SHTN1: variants seen among roughly 807,000 people sequenced by gnomAD.
The protein encoded by SHTN1 is shootin 1.
Under a neutral mutation model 83.1 loss-of-function variants are expected in SHTN1, and 42 were observed. That is an observed-to-expected ratio of 0.51 (90% confidence interval 0.39 to 0.65). The LOEUF (loss-of-function observed/expected upper bound fraction) is 0.65, where lower values mean the gene tolerates loss of function less well. Ranked by LOEUF, SHTN1 falls within the 30% of genes least tolerant of loss-of-function variation. The probability of loss-of-function intolerance (pLI) is 0.00; values close to 1 mark genes in which losing one functional copy is unlikely to be tolerated. For synonymous variants in SHTN1, 224 were observed against 247.7 expected, an observed-to-expected ratio of 0.90 and a Z score of 0.90; for missense variants, 622 against 737.8, an observed-to-expected ratio of 0.84 and a Z score of 1.82.
At chr10:116,936,624 GAGA>G (rs1255007845) in intron 9 of SHTN1, among the ~76,000 whole-genome samples, 2 of 152,162 alleles carry the variant, frequency 1.3e-5, no homozygotes, top group Admixed American at 6.5e-5. Context: ...ATGTGGTCCT[GAGA>G]AGAATATATA....
chr10:117,051,187 TACC>T (rs1218499745), intron 1 of SHTN1, among the ~76,000 whole-genome samples: 1 of 152,024 alleles, frequency 6.6e-6, no homozygotes, highest in Non-Finnish European at 1.5e-5. Context: ...AAACACAAAC[TACC>T]ACAACTGACT....
At chr10:117,085,003 C>T (rs572510670) in intron 1 of SHTN1, among the ~76,000 whole-genome samples, 5 of 152,072 alleles carry the variant, frequency 3.3e-5, no homozygotes, top group Non-Finnish European at 5.9e-5. Context: ...TCTTCTGGGT[C>T]GCTCAGGCTG....
rs1414235601 is a variant in SHTN1, at chr10:117,005,027, T to A, written c.53A>T (p.Glu18Val). 1.3e-6 allele frequency: 2 copies of A among 1,596,518 alleles called. No homozygotes were observed. The highest frequency in any genetic ancestry group is 3.4e-4 in the Middle Eastern group (2 of 5,950). The change falls in exon 1 of 17, where the codon GAG (glutamate) becomes GTG (valine). Residue 18 changes from glutamate to valine, a missense_variant. Around this residue, in one of 3 missense-constraint regions of SHTN1, gnomAD observed 383 missense variants for 455.8 expected, o/e 0.84. Coordinates refer to ENST00000355371, the MANE Select transcript of SHTN1 (RefSeq NM_001127211.3). ...GGCGCCCGCGTGCTGCCTACCTTGC[T>A]CCTTCAGACTGGTAATGAGCTGCAG... ...KQLQLITSLK[E>V]QAIGEYEDLR... is the part of the protein sequence containing the mutation.
At chr10:116,968,741 A>G (rs891318600) in intron 2 of SHTN1, 29 bp from the exon 3 acceptor site, 7 of 1,559,518 alleles carry the variant, frequency 4.5e-6, no homozygotes, top group Non-Finnish European at 6.2e-6. Flanking sequence ...ACAAATGTTA[A>G]ACTTCAATCA....
In SHTN1 at chr10:116,949,011, A is replaced by T. The variant is rs1424504340; in HGVS notation, c.535-14T>A. The T allele has an allele frequency of 6.5e-7, 1 of 1,529,830 alleles. No individual in the cohort carries two copies. The highest frequency in any genetic ancestry group is 1.4e-5 in the African/African-American group (1 of 71,872). 94.8% of individuals were successfully genotyped at this position (1,529,830 alleles called of 1,614,324 possible). A position where few individuals can be genotyped will look rare whatever the true frequency, so the allele number is the denominator to read the frequency against. ...AACTTTATTTACCTAAAAATGTGAAATTTTGAGGGGAGAAAACACCAAAAA... is the reference window on the plus strand; with the variant it reads ...AACTTTATTTACCTAAAAATGTGAATTTTTGAGGGGAGAAAACACCAAAAA... On this transcript the variant is annotated splice_polypyrimidine_tract_variant and intron_variant, in intron 6 of 16. Coordinates refer to ENST00000355371, the MANE Select transcript of SHTN1 (RefSeq NM_001127211.3).
At chr10:116,995,417 GGACTTTAT>G (rs1851593637) in intron 1 of SHTN1, among the ~76,000 whole-genome samples, 1 of 152,088 alleles carries the variant, frequency 6.6e-6, no homozygotes, top group Non-Finnish European at 1.5e-5. Flanking sequence ...GTGATTTTTA[GGACTTTAT>G]TAGAAACACT....
intron 2 of SHTN1, among the ~76,000 whole-genome samples, chr10:117,046,855 T>C (rs1374247730): frequency 6.6e-6 from 1 of 152,026 alleles, no homozygotes; most frequent in Non-Finnish European, 1.5e-5. Flanking sequence ...AAAGAGGGAA[T>C]GAGAAATGAC....
Position 116,968,808 on chromosome 10 carries a change from C to G in SHTN1, c.112-96G>C. The G allele has an allele frequency of 3.2e-6, 3 of 931,532 alleles. No homozygotes were observed. In the South Asian group the frequency reaches 4.5e-5, roughly 14 times the overall value. 57.7% of individuals were successfully genotyped at this position (931,532 alleles called of 1,614,324 possible). ...CAAACTTATAAACAACAGCAATTTT[C>G]TGAAAACAAAACAAAATTTAAAACC... On this transcript the variant is annotated intron_variant, in intron 2 of 16. Coordinates refer to ENST00000355371, the MANE Select transcript of SHTN1 (RefSeq NM_001127211.3).
In SHTN1 at chr10:116,953,631, T is replaced by TTG. The variant is rs1554918493; in HGVS notation, c.436+410_436+411insCA. Among the ~76,000 whole-genome samples, 81 of 140,920 alleles carry TTG rather than the reference T, an allele frequency of 5.7e-4. 1 individual carries two copies. The highest frequency in any genetic ancestry group is 1.0e-3 in the Non-Finnish European group (65 of 64,592). The allele number at this position is 140,920 out of a possible 152,430, so 92.4% of individuals were successfully genotyped here. A position where few individuals can be genotyped will look rare whatever the true frequency, so the allele number is the denominator to read the frequency against. Reference sequence around the variant, plus strand: ...CATCAGTTTTGTGTTTTGTTTTTTTTTTTTTTTTTTTTTTGAGACAGAGTC... The same window carrying TTG: ...CATCAGTTTTGTGTTTTGTTTTTTTTTGTTTTTTTTTTTTTTGAGACAGAGTC... On this transcript the variant is annotated intron_variant, in intron 5 of 16. Coordinates refer to ENST00000355371, the MANE Select transcript of SHTN1 (RefSeq NM_001127211.3).
chr10:117,094,512 T>C (rs1182947522), intron 1 of SHTN1, among the ~76,000 whole-genome samples: 1 of 152,210 alleles, frequency 6.6e-6, no homozygotes. Flanking sequence ...TCTTGGTTAT[T>C]ACCATGTGTT....
At chr10:117,081,143 C>A (rs1589923890) in intron 1 of SHTN1, among the ~76,000 whole-genome samples, 1 of 148,376 alleles carries the variant, frequency 6.7e-6, no homozygotes, top group African/African-American at 2.5e-5. Context: ...CCAGTTTTTG[C>A]CCATTCAGTA....
At chr10:117,055,350 G>A (rs762413938) in intron 1 of SHTN1, among the ~76,000 whole-genome samples, 24 of 152,136 alleles carry the variant, frequency 1.6e-4, no homozygotes, top group Non-Finnish European at 3.2e-4. Flanking sequence ...TGTTTTTCCT[G>A]AGCCACAGTC....
At chr10:117,029,440 T>C (rs1053675545) in intron 2 of SHTN1, among the ~76,000 whole-genome samples, 5 of 152,130 alleles carry the variant, frequency 3.3e-5, no homozygotes, top group Non-Finnish European at 5.9e-5. Context: ...TTTTGCAATG[T>C]GAGAAGTACA....
chr10:116,886,115 A>G lies in SHTN1; in HGVS notation c.*229T>C. 1.8e-6 allele frequency: 1 copy of G among 569,504 alleles called. No individual in the cohort carries two copies. Among genetic ancestry groups the G allele is most frequent in the South Asian group, 2.7e-5 (1 of 36,410 alleles). The allele number at this position is 569,504 out of a possible 1,614,324, so 35.3% of individuals were successfully genotyped here. ...ACTTAATACAGTAACTAGGAAAAAA[A>G]CCTCATCTTTATAAAGATCAAAAAA... On this transcript the variant is annotated 3_prime_UTR_variant, in exon 17 of 17. Transcript: ENST00000355371.
chr10:116,925,150 T>C (rs979287651), intron 11 of SHTN1, among the ~76,000 whole-genome samples: 1 of 152,220 alleles, frequency 6.6e-6, no homozygotes, highest in Non-Finnish European at 1.5e-5. Context: ...CCTGAGATAC[T>C]TGGTTAAACA....
At position 116,883,412 on chromosome 10, in the gene SHTN1, C is replaced by T. The variant is rs1847079071; in HGVS notation, c.*2932G>A. The T allele has an allele frequency of 6.6e-6, 1 of 152,158 alleles. No individual in the cohort carries two copies. Among genetic ancestry groups the T allele is most frequent in the Non-Finnish European group, 1.5e-5 (1 of 68,038 alleles). The allele number at this position is 152,158 out of a possible 1,614,324, so 9.4% of individuals were successfully genotyped here. On this transcript the variant is annotated 3_prime_UTR_variant, in exon 17 of 17. Transcript: ENST00000355371. ...AGTGCTTGGAAGAGAAACTTCAAAC[C>T]ACTCCAATCCTTATGCAGGGACTGC...
At chr10:116,983,672 ATAGATAG>A (rs1851117320) in intron 1 of SHTN1, among the ~76,000 whole-genome samples, 2 of 104,442 alleles carry the variant, frequency 1.9e-5, no homozygotes, top group African/African-American at 6.7e-5. Context: ...AGATAGATAG[ATAGATAG>A]ATAGATAAAT....
At chr10:117,079,269 G>A (rs1486053052) in intron 1 of SHTN1, among the ~76,000 whole-genome samples, 1 of 136,030 alleles carries the variant, frequency 7.4e-6, no homozygotes, top group African/African-American at 2.8e-5. Flanking sequence ...TCCCACCTAT[G>A]AGTGAGAATA....
chr10:116,904,348 T>C (rs1401346837), intron 15 of SHTN1, among the ~76,000 whole-genome samples: 1 of 152,190 alleles, frequency 6.6e-6, no homozygotes. Flanking sequence ...AAGCCACCTC[T>C]AGTTTGATAA....
Sources: allele counts gnomAD v4.1 joint callset (sites outside exome capture counted in the v4.1 genomes callset), GRCh38; gene constraint gnomAD v4.1.1; regional missense constraint gnomAD v4.1.1; transcripts MANE v1.5; gene names NCBI Gene and HGNC (gene_info 2026-07-23, HGNC 2026-07-21).